DNAH1: variants seen among roughly 807,000 people sequenced by gnomAD.
DNAH1 encodes dynein axonemal heavy chain 1.
In DNAH1, 327 loss-of-function variants were observed where a neutral mutation model predicts 484.3. The observed-to-expected ratio is 0.68, with a 90% confidence interval of 0.62 to 0.74. The LOEUF (loss-of-function observed/expected upper bound fraction) is 0.74, where lower values mean the gene tolerates loss of function less well. Ranked by LOEUF, DNAH1 falls within the 30% of genes least tolerant of loss-of-function variation. DNAH1 has a pLI of 0.00. For missense variants in DNAH1, 5,052 were observed against 5,546.8 expected (o/e 0.91, Z 2.83); for synonymous variants, 2,192 against 2,191.9 (o/e 1.00, Z 0.00).
rs1702850733 is a variant in DNAH1, at chr3:52,361,383, G to T, written c.4874+31G>T. 2 of 1,528,532 alleles carry T rather than the reference G, an allele frequency of 1.3e-6. No homozygotes were observed. Among genetic ancestry groups the T allele is most frequent in the South Asian group, 1.3e-5 (1 of 79,938 alleles). The allele number at this position is 1,528,532 out of a possible 1,614,324, so 94.7% of individuals were successfully genotyped here. ...GCTGGGCATGAGCGTGGCACAGGAT[G>T]GGGTGGGACAGCCTAGCTCTCCTTG... On this transcript the variant is annotated intron_variant, in intron 29 of 77. Coordinates refer to ENST00000420323, the MANE Select transcript of DNAH1 (RefSeq NM_015512.5). This position sits in a 1 kb window ranked among gnomAD's most constrained non-coding sequence, Gnocchi z 5.6.
In DNAH1 at chr3:52,384,885, T is replaced by C. The variant is rs1219090680; in HGVS notation, c.8422T>C (p.Leu2808=). Residue 2808 remains leucine, a synonymous_variant, in exon 53 of 78, where the codon TTG becomes CTG. Transcript: ENST00000420323. The part of the protein sequence containing the change: ...RHNYVTPKSY[L]ELLHIFSILI... Reference sequence around the variant, plus strand: ...CAACTATGTGACCCCCAAGAGCTACTTGGAGCTGCTTCATATTTTCTCCAT... The same window carrying C: ...CAACTATGTGACCCCCAAGAGCTACCTGGAGCTGCTTCATATTTTCTCCAT... The C allele has an allele frequency of 6.2e-7, 1 of 1,613,408 alleles. No homozygotes were observed. The highest frequency in any genetic ancestry group is 2.2e-5 in the East Asian group (1 of 44,888).
intron 74 of DNAH1, 34 bp from the exon 75 acceptor site, chr3:52,397,998 G>C (rs1002017361): frequency 6.2e-7 from 1 of 1,605,856 alleles, no homozygotes; most frequent in African/African-American, 1.3e-5. Flanking sequence ...AGGGGGCCCA[G>C]CCTTGACCCC....
chr3:52,378,267 A>C (rs1441997875), intron 46 of DNAH1, among the ~76,000 whole-genome samples: 1 of 151,700 alleles, frequency 6.6e-6, no homozygotes, highest in Non-Finnish European at 1.5e-5. Flanking sequence ...CAGAGGTGGA[A>C]TGTTCAGGTT....
intron 71 of DNAH1, 35 bp downstream of exon 71, chr3:52,396,573 C>A (rs758545348): frequency 9.9e-6 from 16 of 1,611,238 alleles, no homozygotes; most frequent in Non-Finnish European, 1.4e-5. Flanking sequence ...ACCCTACCTG[C>A]CCCCGTCCCC....
chr3:52,400,268 T>A (rs1362592695), intron 77 of DNAH1, 57 bp from the exon 78 acceptor site: 1 of 1,605,780 alleles, frequency 6.2e-7, no homozygotes, highest in African/African-American at 1.3e-5. Context: ...CCCTACGCTA[T>A]CCCTGCTAGT....
At position 52,323,847 on chromosome 3, in the gene DNAH1, C is replaced by T. The variant is rs745363325; in HGVS notation, c.373C>T (p.Arg125Trp). The change falls in exon 3 of 78, where the codon CGG (arginine) becomes TGG (tryptophan). Residue 125 changes from arginine to tryptophan, a missense_variant. Around this residue, in one of 4 missense-constraint regions of DNAH1, gnomAD observed 1,263 missense variants for 1,218.8 expected, o/e 1.04. Coordinates refer to ENST00000420323, the MANE Select transcript of DNAH1 (RefSeq NM_015512.5). ...RGPRMSQNLLRQADLDKFTPR... is the reference protein window; with the variant it reads ...RGPRMSQNLLWQADLDKFTPR... Reference sequence around the variant, plus strand: ...CCCCCGAATGAGCCAGAACCTCCTGCGGCAGGCTGACCTTGACAAGTTCAC... The same window carrying T: ...CCCCCGAATGAGCCAGAACCTCCTGTGGCAGGCTGACCTTGACAAGTTCAC... 7.6e-6 allele frequency: 12 copies of T among 1,584,818 alleles called. No individual in the cohort carries two copies. The highest frequency in any genetic ancestry group is 2.7e-5 in the African/African-American group (2 of 74,220).
intron 77 of DNAH1, 106 bp from the exon 78 acceptor site, chr3:52,400,219 C>G (rs764845097): frequency 3.8e-5 from 57 of 1,488,594 alleles, no homozygotes; most frequent in Non-Finnish European, 5.1e-5. Flanking sequence ...GGGTCAGGGC[C>G]CCCTCCCTGT....
In DNAH1 at chr3:52,332,146, G is replaced by C. The variant is rs1362150187; in HGVS notation, c.1038G>C (p.Arg346Ser). The change falls in exon 8 of 78, where the codon AGG becomes AGC. Residue 346 changes from arginine (R) to serine (S), a missense_variant. Arg to Ser is a moderately radical substitution (Grantham distance 110). Coordinates refer to ENST00000420323, the MANE Select transcript of DNAH1 (RefSeq NM_015512.5). The part of the protein sequence containing the change: ...ILNAGVTTEG[R>S]PPLQVCQYWV... Reference sequence around the variant, plus strand: ...TCCCTCTCACCCGGCCCCCAGGAAGGCCACCCCTTCAGGTCTGTCAGTACT... The same window carrying C: ...TCCCTCTCACCCGGCCCCCAGGAAGCCCACCCCTTCAGGTCTGTCAGTACT... 1.3e-6 allele frequency: 2 copies of C among 1,554,822 alleles called. No individual in the cohort carries two copies. The highest frequency in any genetic ancestry group is 2.7e-5 in the African/African-American group (2 of 73,362).
Position 52,397,828 on chromosome 3 carries a change from T to C in DNAH1, c.11909T>C (p.Ile3970Thr). ...ACGTTCGCCCTCCTGGGCACCATCA[T>C]CCAGCTGCAACCCAAATCATCTTCT... is the stretch of plus-strand genomic sequence containing the variant. ...NETFALLGTI[I>T]QLQPKSSSAG... The change falls in exon 74 of 78, where the codon ATC becomes ACC. Residue 3970 changes from isoleucine (I) to threonine (T), a missense_variant. Ile to Thr is a moderately conservative substitution (Grantham distance 89). Transcript: ENST00000420323. The C allele has an allele frequency of 6.2e-7, 1 of 1,612,624 alleles. No individual in the cohort carries two copies. Among genetic ancestry groups the C allele is most frequent in the Non-Finnish European group, 8.5e-7 (1 of 1,179,222 alleles).
chr3:52,370,839 C>T lies in DNAH1; in HGVS notation c.6525+14C>T, dbSNP rs779934788. ...GAATACAAGCAGGTGGCCGCAGGCC[C>T]TCCCCAGAGACTGCACAGGGAGGGA... On this transcript the variant is annotated intron_variant, in intron 41 of 77. Coordinates refer to ENST00000420323, the MANE Select transcript of DNAH1 (RefSeq NM_015512.5). 5 of 1,577,832 alleles carry T rather than the reference C, an allele frequency of 3.2e-6. No homozygotes were observed. In the Admixed American group the frequency reaches 7.4e-5, roughly 23 times the overall value.
rs765798923 is a variant in DNAH1 at position 52,364,747 on chromosome 3, C to T, written c.5331+23C>T. The T allele has an allele frequency of 5.6e-6, 9 of 1,609,754 alleles. No individual in the cohort carries two copies. Among genetic ancestry groups the T allele is most frequent in the Non-Finnish European group, 7.6e-6 (9 of 1,177,400 alleles). On this transcript the variant is annotated intron_variant, in intron 33 of 77. Transcript: ENST00000420323. This position sits in a 1 kb window ranked among gnomAD's most constrained non-coding sequence, Gnocchi z 4.2. ...GAGGTGAGCTCCACCCAGCAGGGCT[C>T]CAGGAGTGGAACTCTGGGAGGGCTC...
At chr3:52,373,241 C>T (rs376608439) in intron 44 of DNAH1, among the ~76,000 whole-genome samples, 188 bp downstream of exon 44, 2 of 150,888 alleles carry the variant, frequency 1.3e-5, no homozygotes, top group East Asian at 3.9e-4. Context: ...CCACGGCTGC[C>T]GCAGCCTCTG....
intron 22 of DNAH1, among the ~76,000 whole-genome samples, chr3:52,357,219 T>A (rs1702650149): frequency 6.6e-6 from 1 of 151,838 alleles, no homozygotes; most frequent in Non-Finnish European, 1.5e-5. Context: ...GCGTGGCTGA[T>A]TTTCTTTTGT....
intron 60 of DNAH1, among the ~76,000 whole-genome samples, chr3:52,390,304 A>C (rs142970305): frequency 6.8e-4 from 104 of 152,318 alleles, no homozygotes; most frequent in African/African-American, 2.4e-3. Flanking sequence ...GTCTCTACTA[A>C]AAATTCAAAA....
intron 53 of DNAH1, 102 bp downstream of exon 53, chr3:52,385,079 G>A: frequency 7.3e-7 from 1 of 1,374,610 alleles, no homozygotes; most frequent in Non-Finnish European, 9.8e-7. Context: ...CTTTCAAACT[G>A]CAGCCCACGA....
intron 77 of DNAH1, 25 bp downstream of exon 77, chr3:52,399,804 A>G: frequency 6.2e-7 from 1 of 1,608,440 alleles, no homozygotes; most frequent in Non-Finnish European, 8.5e-7. Context: ...ATGGGAGCCT[A>G]CACTATGGGC....
intron 6 of DNAH1, 151 bp from the exon 7 acceptor site, chr3:52,330,997 G>A: frequency 4.0e-6 from 4 of 990,730 alleles, no homozygotes; most frequent in Non-Finnish European, 5.8e-6. Context: ...GCAGGGCCCT[G>A]GCTCTGCTGG....
At chr3:52,332,044 G>A in intron 7 of DNAH1, 98 bp from the exon 8 acceptor site, 1 of 1,440,978 alleles carries the variant, frequency 6.9e-7, no homozygotes. Flanking sequence ...AATTTGTTCA[G>A]GGCCACTGGG....
chr3:52,384,421 C>T (rs900134169), intron 52 of DNAH1, among the ~76,000 whole-genome samples: 3 of 152,156 alleles, frequency 2.0e-5, no homozygotes, highest in Non-Finnish European at 4.4e-5. Context: ...CCTGTCTCCC[C>T]CTAGATCCAG....
Sources: allele counts gnomAD v4.1 joint callset (sites outside exome capture counted in the v4.1 genomes callset), GRCh38; gene constraint gnomAD v4.1.1; regional missense constraint gnomAD v4.1.1; non-coding constraint Gnocchi (gnomAD v3.1); transcripts MANE v1.5; gene names NCBI Gene and HGNC (gene_info 2026-07-23, HGNC 2026-07-21).